The following HDAC9 variants were observed in gnomAD, a reference collection of about 807,000 sequenced individuals.
The protein encoded by HDAC9 is MEF-2 interacting transcription repressor (MITR) protein.
A neutral mutation model predicts 139.4 loss-of-function variants in HDAC9; 41 were observed. The ratio of observed to expected loss-of-function variants is 0.29; its 90% CI spans 0.23 to 0.38. The LOEUF (loss-of-function observed/expected upper bound fraction) is 0.38, where lower values mean the gene tolerates loss of function less well. Ranked by LOEUF, HDAC9 falls within the 10% of genes least tolerant of loss-of-function variation. HDAC9 has a pLI of 1.00. For synonymous variants in HDAC9, 517 were observed against 476.2 expected (o/e 1.09, Z -1.12); for missense variants, 1,147 against 1,297.0 (o/e 0.88, Z 1.78).
Position 18,947,763 on chromosome 7 carries a change from A to G in HDAC9, c.2938-6383A>G, listed in dbSNP as rs1192477515. 2.0e-5 allele frequency among the ~76,000 whole-genome samples: 3 copies of G among 151,970 alleles called. No individual in the cohort carries two copies. In the East Asian group the frequency reaches 5.8e-4, roughly 29 times the overall value. On this transcript the variant is annotated intron_variant, in intron 23 of 25. Transcript: ENST00000686413. Reference sequence around the variant, plus strand: ...CATCACAAATAATTTTTTGAGGCCTATGTGATACCAATACCAAAAACTTAA... The same window carrying G: ...CATCACAAATAATTTTTTGAGGCCTGTGTGATACCAATACCAAAAACTTAA...
At chr7:18,448,921 C>T (rs947619992) in intron 1 of HDAC9, among the ~76,000 whole-genome samples, 1 of 151,964 alleles carries the variant, frequency 6.6e-6, no homozygotes, top group Admixed American at 6.6e-5. Flanking sequence ...GTGACAGAAT[C>T]GGGGCAGATA....
chr7:18,501,227 T>C (rs1324005942), intron 2 of HDAC9, among the ~76,000 whole-genome samples: 4 of 152,094 alleles, frequency 2.6e-5, no homozygotes, highest in Non-Finnish European at 5.9e-5. Flanking sequence ...ATTGTGTTTA[T>C]AGGGCAGAAA....
chr7:18,821,332 C>A (rs1794953646), intron 17 of HDAC9, among the ~76,000 whole-genome samples: 1 of 152,090 alleles, frequency 6.6e-6, no homozygotes, highest in African/African-American at 2.4e-5. Flanking sequence ...CTGATAGAGG[C>A]TTAGGAATGG....
intron 1 of HDAC9, among the ~76,000 whole-genome samples, chr7:18,412,140 A>G (rs191793840): frequency 5.9e-5 from 9 of 151,972 alleles, no homozygotes; most frequent in Admixed American, 5.2e-4. Context: ...AACTTGCTGT[A>G]TTTTCAATGT....
At chr7:18,874,949 G>T (rs1262298535) in intron 22 of HDAC9, among the ~76,000 whole-genome samples, 2 of 152,144 alleles carry the variant, frequency 1.3e-5, no homozygotes, top group Non-Finnish European at 2.9e-5. Flanking sequence ...CTTTTCCAGG[G>T]AGAATGGAAG....
intron 1 of HDAC9, among the ~76,000 whole-genome samples, chr7:18,432,637 C>G (rs1790783779): frequency 1.3e-5 from 2 of 152,144 alleles, no homozygotes; most frequent in South Asian, 4.1e-4. Flanking sequence ...TTTGAATGTT[C>G]ATTTTGCATG....
chr7:18,140,159 A>ATTTTTTTT (rs1562665522), intron 1 of HDAC9, among the ~76,000 whole-genome samples: 1 of 152,110 alleles, frequency 6.6e-6, no homozygotes, highest in Non-Finnish European at 1.5e-5. Flanking sequence ...AATAAAATTC[A>ATTTTTTTT]TATCTTCCCA....
chr7:18,298,922 G>A (rs914857661), intron 1 of HDAC9, among the ~76,000 whole-genome samples: 5 of 152,178 alleles, frequency 3.3e-5, no homozygotes, highest in African/African-American at 4.8e-5. Flanking sequence ...AACCCAGTAA[G>A]TAGGAGGGAA....
At chr7:18,329,983 A>ATGTGTGTGTG (rs35227059) in intron 1 of HDAC9, among the ~76,000 whole-genome samples, 13 of 111,886 alleles carry the variant, frequency 1.2e-4, no homozygotes, top group Admixed American at 3.9e-4. Context: ...GCTTGTGTGT[A>ATGTGTGTGTG]TGTGTGTGTG....
At chr7:18,164,883 C>T (rs139451712) in intron 2 of HDAC9, among the ~76,000 whole-genome samples, 12 of 152,338 alleles carry the variant, frequency 7.9e-5, no homozygotes, top group African/African-American at 2.6e-4. Context: ...TGGCAGCTAG[C>T]TGCTGCAGTT....
In HDAC9 at chr7:18,273,056, G is replaced by GTTTTTTTTTTTTTTTTTTTTTTTTTTT. The variant is rs746089054; in HGVS notation, c.25+110708_25+110734dup. On this transcript the variant is annotated intron_variant, in intron 2 of 12. Transcript: ENST00000417496. ...CCTCTTCCCCTTCTTCCCCTTCTTC[G>GTTTTTTTTTTTTTTTTTTTTTTTTTTT]TTTTTTTTTTTTTTTTTTTTTTTTT... Among the ~76,000 whole-genome samples, 2 of 84,784 alleles carry GTTTTTTTTTTTTTTTTTTTTTTTTTTT rather than the reference G, an allele frequency of 2.4e-5. 1 individual carries two copies. The highest frequency in any genetic ancestry group is 1.2e-4 in the African/African-American group (2 of 16,666). 55.6% of individuals were successfully genotyped at this position (84,784 alleles called of 152,430 possible). A position where few individuals can be genotyped will look rare whatever the true frequency, so the allele number is the denominator to read the frequency against.
At chr7:18,437,253 T>G (rs976155656) in intron 1 of HDAC9, among the ~76,000 whole-genome samples, 1 of 152,086 alleles carries the variant, frequency 6.6e-6, no homozygotes, top group African/African-American at 2.4e-5. Context: ...TATGATATAT[T>G]CAAGAACACT....
intron 1 of HDAC9, among the ~76,000 whole-genome samples, chr7:18,132,136 C>T (rs1785055111): frequency 6.6e-6 from 1 of 152,072 alleles, no homozygotes; most frequent in Non-Finnish European, 1.5e-5. Context: ...CCCTTTGCTC[C>T]CAAGTCACAG....
chr7:18,967,208 C>T (rs555969181), intron 24 of HDAC9, among the ~76,000 whole-genome samples: 156 of 152,200 alleles, frequency 1.0e-3, no homozygotes, highest in African/African-American at 3.3e-3. Flanking sequence ...TTAAGAAGTG[C>T]AGTTGCAGAG....
At chr7:18,792,531 C>T (rs1792415085) in intron 16 of HDAC9, among the ~76,000 whole-genome samples, 1 of 152,030 alleles carries the variant, frequency 6.6e-6, no homozygotes, top group Admixed American at 6.6e-5. Flanking sequence ...GTTTTCATTG[C>T]ATTCATGAAA....
intron 2 of HDAC9, among the ~76,000 whole-genome samples, chr7:18,196,242 A>ATT (rs1489306691): frequency 6.6e-6 from 1 of 152,222 alleles, no homozygotes; most frequent in Non-Finnish European, 1.5e-5. Context: ...GACATGAGAA[A>ATT]GAGGGATGTA....
intron 1 of HDAC9, among the ~76,000 whole-genome samples, chr7:18,346,643 T>C (rs540184605): frequency 6.6e-6 from 1 of 152,292 alleles, no homozygotes; most frequent in South Asian, 2.1e-4. Context: ...AAATATACTC[T>C]CAGAATCTTC....
chr7:18,835,819 C>T, intron 20 of HDAC9, 81 bp from the exon 21 acceptor site: 1 of 1,032,564 alleles, frequency 9.7e-7, no homozygotes, highest in Non-Finnish European at 1.4e-6. Flanking sequence ...CAAGAGCTCC[C>T]ATGTGCTTGT....
At chr7:18,243,306 A>G (rs1189424347) in intron 2 of HDAC9, among the ~76,000 whole-genome samples, 1 of 152,240 alleles carries the variant, frequency 6.6e-6, no homozygotes, top group Non-Finnish European at 1.5e-5. Context: ...CTTTGGTTCT[A>G]AGGACTAAAG....
Sources: allele counts gnomAD v4.1 joint callset (sites outside exome capture counted in the v4.1 genomes callset), GRCh38; gene constraint gnomAD v4.1.1; transcripts MANE v1.5; gene names NCBI Gene and HGNC (gene_info 2026-07-23, HGNC 2026-07-21).